The following NCOR1 variants were observed in gnomAD, a reference collection of about 807,000 sequenced individuals.
NCOR1 encodes the protein nuclear receptor corepressor 1.
In NCOR1, 63 loss-of-function variants were observed where a neutral mutation model predicts 288.1. The ratio of observed to expected loss-of-function variants is 0.22; its 90% CI spans 0.18 to 0.27. NCOR1 has a LOEUF of 0.27. NCOR1 is among the 10% of genes least tolerant of loss of function. NCOR1 has a pLI of 1.00. For synonymous variants in NCOR1, 1,007 were observed against 1,065.9 expected (o/e 0.94, Z 1.08); for missense variants, 2,397 against 3,019.2 (o/e 0.79, Z 4.83).
At chr17:16,083,475 C>G (rs1778880937) in intron 23 of NCOR1, among the ~76,000 whole-genome samples, 1 of 151,710 alleles carries the variant, frequency 6.6e-6, no homozygotes, top group African/African-American at 2.4e-5. Flanking sequence ...TATAGATATA[C>G]AAGTTCATAG....
intron 3 of NCOR1, among the ~76,000 whole-genome samples, chr17:16,182,750 C>T (rs141608694): frequency 2.2e-3 from 342 of 152,150 alleles, no homozygotes; most frequent in Middle Eastern, 0.014. Context: ...CAGTGCCCGG[C>T]CCAAAATTTC....
At chr17:16,080,309 A>G (rs1322956492) in intron 25 of NCOR1, 99 bp downstream of exon 25, 1 of 1,046,486 alleles carries the variant, frequency 9.6e-7, no homozygotes, top group African/African-American at 1.6e-5. Context: ...TTTAAAGACT[A>G]TAGTTAAAAA....
intron 32 of NCOR1, 104 bp downstream of exon 32, chr17:16,067,790 A>C (rs1179452235): frequency 9.0e-7 from 1 of 1,109,394 alleles, no homozygotes; most frequent in African/African-American, 1.6e-5. Context: ...GCTGTACATT[A>C]ATGATATTTG....
At position 16,032,374 on chromosome 17, in the gene NCOR1, T is replaced by G; in HGVS notation, c.7245A>C (p.Gln2415His). The change falls in exon 46 of 46, where the codon CAA becomes CAC. Residue 2415 changes from glutamine (Q) to histidine (H), a missense_variant. Transcript: ENST00000268712. ...GCTCTCGCTCCCAGATCCTGTTCTG[T>G]TGGTGAGGAGCTGCTTGGTTCACCG... The part of the protein sequence containing the change: ...PSAVNQAAPH[Q>H]QNRIWEREPA... The G allele has an allele frequency of 6.2e-7, 1 of 1,614,116 alleles. No individual in the cohort carries two copies. The highest frequency in any genetic ancestry group is 1.1e-5 in the South Asian group (1 of 91,068).
intron 31 of NCOR1, chr17:16,068,511 T>C (rs1195766044): frequency 4.7e-6 from 1 of 214,414 alleles, no homozygotes; most frequent in Non-Finnish European, 9.4e-6. Flanking sequence ...TTGCCTGTGT[T>C]ATGCAACCTC....
chr17:16,171,034 C>T (rs1433180060), intron 4 of NCOR1, among the ~76,000 whole-genome samples: 4 of 151,776 alleles, frequency 2.6e-5, no homozygotes, highest in Non-Finnish European at 5.9e-5. Context: ...GCAACTATAG[C>T]TAATAATATG....
chr17:16,179,617 A>T (rs551420337), intron 3 of NCOR1, among the ~76,000 whole-genome samples: 1 of 152,258 alleles, frequency 6.6e-6, no homozygotes, highest in Non-Finnish European at 1.5e-5. Context: ...AACACATTAT[A>T]TGAGAGAAAC....
rs143529123 is a variant in NCOR1 at position 16,108,381 on chromosome 17, C to G, written c.2182+405G>C. The G allele has an allele frequency of 3.4e-3, 611 of 179,652 alleles. 22 individuals carry two copies. The East Asian group carries it at 0.049, about 14-fold the overall frequency. The allele number at this position is 179,652 out of a possible 1,614,324, so 11.1% of individuals were successfully genotyped here. On this transcript the variant is annotated intron_variant, in intron 19 of 45. Coordinates refer to ENST00000268712, the MANE Select transcript of NCOR1 (RefSeq NM_006311.4). ...TTTTCTATCGGTGCTTCTAAGGTCA[C>G]TAATTCTTTTTACGTAAAAACATTA... is the stretch of plus-strand genomic sequence containing the variant.
chr17:16,177,781 T>A (rs1468797744), intron 3 of NCOR1, among the ~76,000 whole-genome samples: 1 of 152,204 alleles, frequency 6.6e-6, no homozygotes, highest in Non-Finnish European at 1.5e-5. Flanking sequence ...CAGGATGGCA[T>A]AATGGGAATT....
intron 15 of NCOR1, among the ~76,000 whole-genome samples, chr17:16,123,173 G>A (rs527993505): frequency 4.6e-5 from 7 of 152,182 alleles, no homozygotes; most frequent in African/African-American, 7.2e-5. Flanking sequence ...CTTGCTCCAC[G>A]TCACTCTCTA....
chr17:16,081,409 G>C (rs576031991), intron 23 of NCOR1, among the ~76,000 whole-genome samples: 177 of 149,900 alleles, frequency 1.2e-3, no homozygotes, highest in African/African-American at 4.2e-3. Context: ...GCTGAATCTA[G>C]GTAAAAACAG....
At chr17:16,071,263 A>AG (rs2061727563) in intron 30 of NCOR1, 146 bp downstream of exon 30, 10 of 1,204,748 alleles carry the variant, frequency 8.3e-6, no homozygotes, top group African/African-American at 6.2e-5. Context: ...TGGTCCACAG[A>AG]GGAAAAAAAA....
Position 16,159,007 on chromosome 17 carries a change from C to G in NCOR1, c.619-134G>C, listed in dbSNP as rs931282967. The G allele has an allele frequency of 1.4e-5, 7 of 495,284 alleles. No individual in the cohort carries two copies. In the Admixed American group the frequency reaches 2.6e-4, roughly 18 times the overall value. 30.7% of individuals were successfully genotyped at this position (495,284 alleles called of 1,614,324 possible). On this transcript the variant is annotated intron_variant, in intron 5 of 45. Transcript: ENST00000268712. The stretch of plus-strand genomic sequence containing the variant: ...GGGTAACCAATTAATCCATGAAGGT[C>G]TCATGGACCAAGAGCTCAAAGAGAA...
intron 40 of NCOR1, among the ~76,000 whole-genome samples, chr17:16,056,060 C>T (rs2059876882): frequency 2.0e-5 from 3 of 151,596 alleles, no homozygotes; most frequent in South Asian, 4.2e-4. Flanking sequence ...TATTTGAAAA[C>T]TTCCACAATA....
intron 18 of NCOR1, among the ~76,000 whole-genome samples, 196 bp downstream of exon 18, chr17:16,117,692 G>A (rs570680909): frequency 7.9e-5 from 12 of 152,016 alleles, no homozygotes; most frequent in East Asian, 1.9e-4. Context: ...GCATGGTGGC[G>A]GGCGCCTGTA....
At chr17:16,142,877 C>T (rs551650014) in intron 11 of NCOR1, among the ~76,000 whole-genome samples, 1 of 152,330 alleles carries the variant, frequency 6.6e-6, no homozygotes, top group African/African-American at 2.4e-5. Context: ...GCTCTTTATA[C>T]AGGCAGGAAA....
At chr17:16,181,211 A>ATGTG (rs61215793) in intron 3 of NCOR1, among the ~76,000 whole-genome samples, 11,270 of 139,228 alleles carry the variant, frequency 0.081, 538 homozygotes, top group Middle Eastern at 0.13. Flanking sequence ...ATATATATGT[A>ATGTG]TGTGTGTGTG....
intron 18 of NCOR1, among the ~76,000 whole-genome samples, chr17:16,112,830 G>C (rs565360732): frequency 5.4e-4 from 82 of 152,060 alleles, no homozygotes; most frequent in African/African-American, 1.7e-3. Flanking sequence ...CAGCCAGATA[G>C]ACACTTACTA....
chr17:16,153,432 A>T, intron 6 of NCOR1, 37 bp from the exon 7 acceptor site: 1 of 1,352,576 alleles, frequency 7.4e-7, no homozygotes, highest in Non-Finnish European at 1.0e-6. Flanking sequence ...TATAATTAAA[A>T]ATTACATTAT....
Sources: allele counts gnomAD v4.1 joint callset (sites outside exome capture counted in the v4.1 genomes callset), GRCh38; gene constraint gnomAD v4.1.1; transcripts MANE v1.5; gene names NCBI Gene and HGNC (gene_info 2026-07-23, HGNC 2026-07-21).